AQR: variants seen among roughly 807,000 people sequenced by gnomAD.
The protein encoded by AQR is aquarius intron-binding spliceosomal factor, also known as RNA helicase aquarius.
Under a neutral mutation model 180.5 loss-of-function variants are expected in AQR, and 61 were observed. The observed-to-expected ratio is 0.34, with a 90% confidence interval of 0.28 to 0.42. The LOEUF (loss-of-function observed/expected upper bound fraction) is 0.42. AQR is among the 10% of genes least tolerant of loss of function. AQR has a pLI of 1.00. For synonymous variants in AQR, 551 were observed against 588.8 expected, an observed-to-expected ratio of 0.94 and a Z score of 0.93; for missense variants, 1,281 against 1,798.3, an observed-to-expected ratio of 0.71 and a Z score of 5.20.
chr15:34,931,080 C>T (rs570844069), intron 11 of AQR, among the ~76,000 whole-genome samples: 50 of 152,146 alleles, frequency 3.3e-4, no homozygotes, highest in Non-Finnish European at 6.0e-4. Context: ...TCATGATCCG[C>T]CGGCCTCGGC....
In AQR at chr15:34,918,314, G is replaced by A; in HGVS notation, c.1286C>T (p.Thr429Ile). ...ATTTTCATCCCATATAATTTTCTCAGTTGGATACAAAGGCATCTGGTTCAA... is the reference window on the plus strand; with the variant it reads ...ATTTTCATCCCATATAATTTTCTCAATTGGATACAAAGGCATCTGGTTCAA... ...QQLNQMPLYP[T>I]EKIIWDENIV... Residue 429 changes from threonine (T) to isoleucine (I), a missense_variant, in exon 15 of 35, where the codon ACT (threonine) becomes ATT (isoleucine). Coordinates refer to ENST00000156471, the MANE Select transcript of AQR (RefSeq NM_014691.3). The A allele has an allele frequency of 6.2e-7, 1 of 1,613,570 alleles. No individual in the cohort carries two copies. Among genetic ancestry groups the A allele is most frequent in the Non-Finnish European group, 8.5e-7 (1 of 1,179,776 alleles).
rs1433701129 is a variant in AQR, at chr15:34,932,635, A to G, written c.784-201T>C. 3.3e-5 allele frequency among the ~76,000 whole-genome samples: 5 copies of G among 152,224 alleles called. No individual in the cohort carries two copies. The East Asian group carries it at 9.6e-4, about 29-fold the overall frequency. On this transcript the variant is annotated intron_variant, in intron 10 of 34. Transcript: ENST00000156471. The stretch of plus-strand genomic sequence containing the variant: ...GGCAATGTTTTTGGTTTTAAAAACA[A>G]TAATGATGATAAAAGAACTTTTAAG...
intron 28 of AQR, among the ~76,000 whole-genome samples, 174 bp from the exon 29 acceptor site, chr15:34,875,038 T>C (rs754268525): frequency 9.9e-5 from 15 of 151,982 alleles, no homozygotes; most frequent in Non-Finnish European, 1.5e-5. Flanking sequence ...GTGAACCAAT[T>C]ATGGACGTTA....
At position 34,852,028 on chromosome 15, in the gene AQR, T is replaced by C. The variant is rs1402171463; in HGVS notation, c.*4764A>G. On this transcript the variant is annotated 3_prime_UTR_variant, in exon 35 of 35. Coordinates refer to ENST00000156471, the MANE Select transcript of AQR (RefSeq NM_014691.3). ...GACATTTTGTACAAATCACTTCACT[T>C]CTGGTTTCCTCTTCGGCTGTTACTT... The C allele has an allele frequency of 6.6e-6, 1 of 152,194 alleles. No homozygotes were observed. Among genetic ancestry groups the C allele is most frequent in the Non-Finnish European group, 1.5e-5 (1 of 68,022 alleles). 9.4% of individuals were successfully genotyped at this position (152,194 alleles called of 1,614,324 possible).
intron 2 of AQR, among the ~76,000 whole-genome samples, chr15:34,961,058 G>T (rs2050273279): frequency 6.6e-6 from 1 of 152,048 alleles, no homozygotes; most frequent in African/African-American, 2.4e-5. Flanking sequence ...AAAATGATGT[G>T]CTTATAAAGA....
At chr15:34,885,957 T>A (rs900568533) in intron 25 of AQR, among the ~76,000 whole-genome samples, 36 of 152,220 alleles carry the variant, frequency 2.4e-4, no homozygotes, top group Admixed American at 9.2e-4. Flanking sequence ...TCCAACTGAC[T>A]ATTAAAGTTT....
chr15:34,914,339 GC>G lies in AQR; in HGVS notation c.1484+698del, dbSNP rs1490227695. Among the ~76,000 whole-genome samples, 13 of 152,288 alleles carry G rather than the reference GC, an allele frequency of 8.5e-5. No individual in the cohort carries two copies. In the South Asian group the frequency reaches 2.7e-3, roughly 32 times the overall value. On this transcript the variant is annotated intron_variant, in intron 16 of 34. Transcript: ENST00000156471. ...ACCTTACAAATTCTTGTAATGCAGA[GC>G]TGCTACAATTACCAGAATGAAAGAC...
At chr15:34,857,171 C>T in intron 34 of AQR, 65 bp from the exon 35 acceptor site, 1 of 1,421,582 alleles carries the variant, frequency 7.0e-7, no homozygotes, top group Non-Finnish European at 9.3e-7. Context: ...GCTAAGCTCT[C>T]ACATTACCAT....
intron 8 of AQR, among the ~76,000 whole-genome samples, chr15:34,939,455 C>T (rs1893992647): frequency 6.6e-6 from 1 of 152,058 alleles, no homozygotes; most frequent in Admixed American, 6.5e-5. Context: ...ATAGTCTGCC[C>T]TTACCATTAA....
At chr15:34,957,058 T>G (rs1894330904) in intron 3 of AQR, among the ~76,000 whole-genome samples, 1 of 152,196 alleles carries the variant, frequency 6.6e-6, no homozygotes, top group Non-Finnish European at 1.5e-5. Flanking sequence ...GTAACATGGC[T>G]GTTACATCAA....
At chr15:34,873,748 A>G (rs1344970951) in intron 30 of AQR, 80 bp downstream of exon 30, 1 of 1,266,586 alleles carries the variant, frequency 7.9e-7, no homozygotes. Flanking sequence ...TCAACGGCCA[A>G]ATGGTTAAGT....
chr15:34,852,173 T>A lies in AQR; in HGVS notation c.*4619A>T, dbSNP rs951190965. 2.7e-5 allele frequency: 4 copies of A among 146,680 alleles called. No individual in the cohort carries two copies. Among genetic ancestry groups the A allele is most frequent in the African/African-American group, 1.1e-4 (4 of 37,000 alleles). The allele number at this position is 146,680 out of a possible 1,614,324, so 9.1% of individuals were successfully genotyped here. ...CCCAAGGAAATAGCTACCTAAGTTA[T>A]GTTTTTTTTTTTTTTTTGAAGGAGT... On this transcript the variant is annotated 3_prime_UTR_variant, in exon 35 of 35. Transcript: ENST00000156471.
At chr15:34,861,562 T>C (rs1892671697) in intron 33 of AQR, among the ~76,000 whole-genome samples, 1 of 152,180 alleles carries the variant, frequency 6.6e-6, no homozygotes, top group African/African-American at 2.4e-5. Flanking sequence ...AGGTGTGACA[T>C]GTAGCCCTTA....
chr15:34,901,629 T>A (rs951734191), intron 19 of AQR, among the ~76,000 whole-genome samples: 6 of 152,318 alleles, frequency 3.9e-5, no homozygotes, highest in African/African-American at 1.4e-4. Context: ...CGACCATTTT[T>A]AAATCATAAC....
At chr15:34,908,594 A>G (rs1893454686) in intron 17 of AQR, among the ~76,000 whole-genome samples, 1 of 152,110 alleles carries the variant, frequency 6.6e-6, no homozygotes, top group Non-Finnish European at 1.5e-5. Context: ...CACTCATCCC[A>G]CAATACCCTA....
In AQR at chr15:34,899,231, G is replaced by C. The variant is rs970841696; in HGVS notation, c.2243+1391C>G. ...AGGCAGAATCTCTGAGATATAGCAGGAGTTTTATGGGAGTAAAAAGATTCA... is the reference window on the plus strand; with the variant it reads ...AGGCAGAATCTCTGAGATATAGCAGCAGTTTTATGGGAGTAAAAAGATTCA... On this transcript the variant is annotated intron_variant, in intron 20 of 34. Coordinates refer to ENST00000156471, the MANE Select transcript of AQR (RefSeq NM_014691.3). 4.6e-5 allele frequency among the ~76,000 whole-genome samples: 7 copies of C among 152,182 alleles called. No individual in the cohort carries two copies. In the East Asian group the frequency reaches 1.4e-3, roughly 29 times the overall value.
rs1240714427 is a variant in AQR, at chr15:34,934,126, C to CAAAGA, written c.783+440_783+444dup. 2.1e-5 allele frequency among the ~76,000 whole-genome samples: 3 copies of CAAAGA among 144,170 alleles called. No homozygotes were observed. The East Asian group carries it at 6.0e-4, about 29-fold the overall frequency. The allele number at this position is 144,170 out of a possible 152,430, so 94.6% of individuals were successfully genotyped here. ...TTGGTGACAGAGAAAGACCCCATCT[C>CAAAGA]AAAGAAAAGAAAAGAAAAGAAGAAA... On this transcript the variant is annotated intron_variant, in intron 10 of 34. Coordinates refer to ENST00000156471, the MANE Select transcript of AQR (RefSeq NM_014691.3).
At chr15:34,937,350 A>T (rs1317520439) in intron 9 of AQR, among the ~76,000 whole-genome samples, 1 of 152,164 alleles carries the variant, frequency 6.6e-6, no homozygotes, top group Non-Finnish European at 1.5e-5. Flanking sequence ...TACTAATGCT[A>T]GTAGTAGTAC....
chr15:34,932,804 A>C (rs1893886378), intron 10 of AQR, among the ~76,000 whole-genome samples: 1 of 152,044 alleles, frequency 6.6e-6, no homozygotes, highest in African/African-American at 2.4e-5. Context: ...AGAATACAAA[A>C]ACTAGCTAGG....
Sources: gnomAD v4.1 joint callset for allele counts (sites outside exome capture counted in the v4.1 genomes callset) on GRCh38, gnomAD v4.1.1 for gene constraint, MANE v1.5 for transcripts, NCBI Gene and HGNC (gene_info 2026-07-23, HGNC 2026-07-21) for gene names.